Variants in PLCG2 observed in about 807,000 individuals in gnomAD.
PLCG2 encodes the protein 1-phosphatidylinositol 4,5-bisphosphate phosphodiesterase gamma-2.
A neutral mutation model predicts 175.6 loss-of-function variants in PLCG2; 69 were observed. The ratio of observed to expected loss-of-function variants is 0.39; its 90% CI spans 0.32 to 0.48. The LOEUF (loss-of-function observed/expected upper bound fraction) is 0.48. PLCG2 is among the 20% of genes least tolerant of loss of function. PLCG2 has a pLI of 0.91. For missense variants in PLCG2, 1,798 were observed against 1,650.9 expected (o/e 1.09, Z -1.54); for synonymous variants, 827 against 624.0 (o/e 1.33, Z -4.85).
Position 81,786,104 on chromosome 16 carries a change from G to C in PLCG2, c.115G>C (p.Glu39Gln). The C allele has an allele frequency of 1.2e-6, 2 of 1,614,172 alleles. No homozygotes were observed. The highest frequency in any genetic ancestry group is 2.2e-5 in the East Asian group (1 of 44,880). Residue 39 changes from glutamate (E) to glutamine (Q), a missense_variant, in exon 2 of 33, where the codon GAG (glutamate) becomes CAG (glutamine). Transcript: ENST00000564138. The part of the protein sequence containing the change: ...TVFSFRKSTP[E>Q]RRTVQVIMET... ...GTTCAGCTTCCGCAAGTCCACCCCC[G>C]AGCGGAGAACCGTCCAGGTGATCAT...
intron 1 of PLCG2, among the ~76,000 whole-genome samples, chr16:81,753,521 C>T (rs1037771458): frequency 2.6e-5 from 4 of 151,642 alleles, no homozygotes; most frequent in African/African-American, 4.9e-5. Flanking sequence ...CAGGTTCAAG[C>T]GATTCTCCTG....
chr16:81,852,802 C>T (rs1050407224), intron 2 of PLCG2, among the ~76,000 whole-genome samples: 3 of 152,180 alleles, frequency 2.0e-5, no homozygotes, highest in African/African-American at 7.2e-5. Context: ...ATGTTGTCAG[C>T]TGGGGCAGCT....
At chr16:81,801,551 T>G (rs923078844) in intron 2 of PLCG2, among the ~76,000 whole-genome samples, 1 of 152,240 alleles carries the variant, frequency 6.6e-6, no homozygotes, top group East Asian at 1.9e-4. Context: ...TTAGGTTGTT[T>G]CCAATCATGA....
rs1910619382 is a variant in PLCG2, at chr16:81,779,301, A to C, written c.-171A>C. 6.7e-6 allele frequency: 1 copy of C among 150,240 alleles called. No homozygotes were observed. Among genetic ancestry groups the C allele is most frequent in the South Asian group, 2.0e-4 (1 of 4,892 alleles). The allele number at this position is 150,240 out of a possible 1,614,324, so 9.3% of individuals were successfully genotyped here. A position where few individuals can be genotyped will look rare whatever the true frequency, so the allele number is the denominator to read the frequency against. On this transcript the variant is annotated 5_prime_UTR_variant, in exon 1 of 33. Transcript: ENST00000564138. ...CGCCGCGGCCGAAGCAGAAGTAGCG[A>C]GCGCCGGCGGCGGAGGGCGTGAGCG...
chr16:81,803,663 C>CCCTT (rs1186528094), intron 2 of PLCG2, among the ~76,000 whole-genome samples: 7 of 29,748 alleles, frequency 2.4e-4, no homozygotes, highest in African/African-American at 7.6e-4. Flanking sequence ...CTCCCTCCCT[C>CCCTT]CCTTCCTTCC....
upstream of PLCG2, among the ~76,000 whole-genome samples, chr16:81,778,986 C>T (rs185209849): frequency 6.7e-3 from 1,013 of 152,142 alleles, 8 homozygotes; most frequent in South Asian, 0.017. Flanking sequence ...ATACGGCAAA[C>T]ACCTGGACTG....
rs1207221405 is a variant in PLCG2, at chr16:81,931,415, A to C, written c.2582-82A>C. 6 of 1,406,530 alleles carry C rather than the reference A, an allele frequency of 4.3e-6. No homozygotes were observed. In the Admixed American group the frequency reaches 7.6e-5, roughly 18 times the overall value. The allele number at this position is 1,406,530 out of a possible 1,614,324, so 87.1% of individuals were successfully genotyped here. On this transcript the variant is annotated intron_variant, in intron 24 of 32. Transcript: ENST00000564138. Reference sequence around the variant, plus strand: ...AGCAGTGGTGGTTGGTCCATGAGAGAAACAGCTCAGGCAGGGTGCAGTCTG... The same window carrying C: ...AGCAGTGGTGGTTGGTCCATGAGAGCAACAGCTCAGGCAGGGTGCAGTCTG...
chr16:81,954,554 C>T (rs758396112), intron 31 of PLCG2, among the ~76,000 whole-genome samples: 2 of 152,170 alleles, frequency 1.3e-5, no homozygotes, highest in Non-Finnish European at 2.9e-5. Flanking sequence ...CCTCATTGTT[C>T]AACTCCCACT....
At chr16:81,784,675 A>G (rs1030390109) in intron 1 of PLCG2, among the ~76,000 whole-genome samples, 4 of 152,238 alleles carry the variant, frequency 2.6e-5, no homozygotes, top group African/African-American at 7.2e-5. Context: ...CTGACTTTGT[A>G]TCATTGTTTT....
At chr16:81,746,254 C>T (rs1253820098) in intron 1 of PLCG2, among the ~76,000 whole-genome samples, 1 of 152,240 alleles carries the variant, frequency 6.6e-6, no homozygotes, top group East Asian at 1.9e-4. Flanking sequence ...ATAACTTCAT[C>T]TACTCGTGAC....
At chr16:81,886,728 T>C (rs1434525674) in intron 9 of PLCG2, among the ~76,000 whole-genome samples, 1 of 152,224 alleles carries the variant, frequency 6.6e-6, no homozygotes, top group East Asian at 1.9e-4. Flanking sequence ...GCCTCTCCTC[T>C]GTTTCCCCAT....
intron 15 of PLCG2, among the ~76,000 whole-genome samples, chr16:81,905,889 G>T (rs1433515680): frequency 5.9e-5 from 9 of 152,056 alleles, no homozygotes; most frequent in Non-Finnish European, 1.2e-4. Context: ...CAAACTCCTG[G>T]GCTCAAACAG....
intron 24 of PLCG2, among the ~76,000 whole-genome samples, chr16:81,929,004 C>G (rs1910392037): frequency 6.6e-6 from 1 of 152,244 alleles, no homozygotes; most frequent in African/African-American, 2.4e-5. Flanking sequence ...CTAAACCCAG[C>G]TCTGCCTCTC....
chr16:81,861,445 AG>A (rs1327410528), intron 5 of PLCG2, among the ~76,000 whole-genome samples: 1 of 152,224 alleles, frequency 6.6e-6, no homozygotes, highest in Non-Finnish European at 1.5e-5. Flanking sequence ...ACTATTAACT[AG>A]GAAGTGGTTA....
intron 2 of PLCG2, among the ~76,000 whole-genome samples, chr16:81,769,580 C>T (rs1910228333): frequency 3.3e-5 from 5 of 151,734 alleles, no homozygotes; most frequent in Admixed American, 3.3e-4. Flanking sequence ...TTTGGGAGGC[C>T]GAGGCGGGCG....
intron 9 of PLCG2, among the ~76,000 whole-genome samples, chr16:81,885,128 G>A (rs1256757002): frequency 2.0e-5 from 3 of 151,342 alleles, no homozygotes; most frequent in African/African-American, 7.3e-5. Context: ...CCATGTTCAA[G>A]TGATTCTCCT....
At chr16:81,926,946 GAT>G in intron 22 of PLCG2, 134 bp from the exon 23 acceptor site, 1 of 667,804 alleles carries the variant, frequency 1.5e-6, no homozygotes, top group Non-Finnish European at 2.7e-6. Context: ...CATTGTCACA[GAT>G]AGTGACACTG....
At chr16:81,802,387 C>T (rs993212200) in intron 2 of PLCG2, among the ~76,000 whole-genome samples, 1 of 151,848 alleles carries the variant, frequency 6.6e-6, no homozygotes, top group Admixed American at 6.6e-5. Context: ...GCTGGGATTA[C>T]AGGCGTGAGC....
At chr16:81,908,366 T>C (rs935556718) in intron 16 of PLCG2, 50 bp from the exon 17 acceptor site, 1 of 1,535,354 alleles carries the variant, frequency 6.5e-7, no homozygotes. Context: ...CTAGTGATGC[T>C]GGGGTTTGGT....
Sources: allele counts gnomAD v4.1 joint callset (sites outside exome capture counted in the v4.1 genomes callset), GRCh38; gene constraint gnomAD v4.1.1; transcripts MANE v1.5; gene names NCBI Gene and HGNC (gene_info 2026-07-23, HGNC 2026-07-21).